Variants in FAM53A observed in about 807,000 individuals in gnomAD.
The protein encoded by FAM53A is protein FAM53A.
Under a neutral mutation model 26.6 loss-of-function variants are expected in FAM53A, and 28 were observed. The observed-to-expected ratio is 1.05, with a 90% CI of 0.78 to 1.45. The LOEUF is 1.45. FAM53A is among the 40% of genes most tolerant of loss of function. The pLI is 0.00. For missense variants in FAM53A, 650 were observed against 575.8 expected (o/e 1.13, Z -1.32); for synonymous variants, 290 against 253.1 (o/e 1.15, Z -1.38).
In FAM53A at chr4:1,655,278, G is replaced by A. The variant is rs758771159; in HGVS notation, c.582C>T (p.Phe194=). The A allele has an allele frequency of 1.3e-5, 18 of 1,426,732 alleles. No individual in the cohort carries two copies. The highest frequency in any genetic ancestry group is 3.0e-5 in the African/African-American group (2 of 66,676). The allele number at this position is 1,426,732 out of a possible 1,614,324, so 88.4% of individuals were successfully genotyped here. The change falls in exon 4 of 5, where the codon TTC becomes TTT. Residue 194 remains phenylalanine (F), a synonymous_variant. Transcript: ENST00000308132. ...TPRPSSASGG[F]VDSSEGSAGS... is the part of the protein sequence containing the mutation. ...CCGCACTGCCCTCGCTGCTGTCCAC[G>A]AAGCCGCCGCTGGCGGAGGACGGCC...
the FAM53A span, among the ~76,000 whole-genome samples, chr4:1,602,730 G>A: frequency 2.6e-5 from 4 of 152,288 alleles, no homozygotes; most frequent in East Asian, 1.9e-4. Flanking sequence ...TGTAAGGTAC[G>A]ACAGTGGCAA....
At chr4:1,587,012 A>T in the FAM53A span, among the ~76,000 whole-genome samples, 1 of 152,172 alleles carries the variant, frequency 6.6e-6, no homozygotes, top group Non-Finnish European at 1.5e-5. Context: ...GACTTTTTAC[A>T]ACCCGTTGGC....
intron 2 of FAM53A, 41 bp from the exon 3 acceptor site, chr4:1,657,509 G>A (rs1713482768): frequency 1.3e-6 from 2 of 1,573,234 alleles, no homozygotes; most frequent in Non-Finnish European, 1.7e-6. Context: ...ACTGACACGT[G>A]AGAATTCGGC....
the FAM53A span, among the ~76,000 whole-genome samples, chr4:1,601,956 CG>C: frequency 2.2e-5 from 2 of 92,840 alleles, no homozygotes; most frequent in African/African-American, 7.9e-5. Flanking sequence ...GGAGGTGGGC[CG>C]GGGGAGATGG....
At chr4:1,644,146 G>T in intron 4 of FAM53A, 2 of 1,525,642 alleles carry the variant, frequency 1.3e-6, no homozygotes, top group Non-Finnish European at 1.8e-6. Context: ...AGCACCACCA[G>T]GCTGCACTAC....
At chr4:1,581,333 C>A in the FAM53A span, among the ~76,000 whole-genome samples, 1 of 152,022 alleles carries the variant, frequency 6.6e-6, no homozygotes, top group African/African-American at 2.4e-5. Context: ...GCCTCGCCTC[C>A]TGTGGTCTTG....
At chr4:1,644,414 C>T in intron 4 of FAM53A, 1 of 1,504,264 alleles carries the variant, frequency 6.6e-7, no homozygotes, top group Admixed American at 2.0e-5. Flanking sequence ...AAACTTCTGC[C>T]CACAGACACG....
chr4:1,604,346 C>T, the FAM53A span, among the ~76,000 whole-genome samples: 16 of 152,208 alleles, frequency 1.1e-4, no homozygotes, highest in East Asian at 1.9e-4. Context: ...TGGCTGCCTA[C>T]GCAGGTTGGG....
At chr4:1,620,054 A>G (rs1714961614) in intron 1 of FAM53A, among the ~76,000 whole-genome samples, 1 of 152,038 alleles carries the variant, frequency 6.6e-6, no homozygotes, top group Non-Finnish European at 1.5e-5. Context: ...CTAAATATAC[A>G]AAAATTAGCC....
rs1715551512 is a variant in FAM53A, at chr4:1,630,219, G to A, written c.432-12108C>T. ...GCCCACGAGGCAGGTGCACAAGACAGCCTGGCCCTGGTGCCACCTGCTGCA... is the reference window on the plus strand; with the variant it reads ...GCCCACGAGGCAGGTGCACAAGACAACCTGGCCCTGGTGCCACCTGCTGCA... On this transcript the variant is annotated intron_variant, in intron 1 of 1. Transcript: ENST00000489029. This position sits in a 1 kb window ranked among gnomAD's most constrained non-coding sequence, Gnocchi z 4.3. Among the ~76,000 whole-genome samples the A allele has an allele frequency of 6.6e-6, 1 of 152,212 alleles. No homozygotes were observed. The highest frequency in any genetic ancestry group is 1.5e-5 in the Non-Finnish European group (1 of 68,036).
At chr4:1,605,840 C>T in the FAM53A span, among the ~76,000 whole-genome samples, 1 of 152,274 alleles carries the variant, frequency 6.6e-6, no homozygotes, top group African/African-American at 2.4e-5. The surrounding 1 kb of genome is among the most constrained non-coding windows in gnomAD (Gnocchi z 5.7). Context: ...CTCTCATGCT[C>T]CCGGCCCAGG....
At chr4:1,625,158 C>T (rs376792365) in intron 1 of FAM53A, among the ~76,000 whole-genome samples, 2 of 42,000 alleles carry the variant, frequency 4.8e-5, no homozygotes, top group Admixed American at 2.4e-4. Flanking sequence ...GAAGGCCCCA[C>T]GTCCCGGCCC....
the FAM53A span, among the ~76,000 whole-genome samples, chr4:1,596,749 G>C: frequency 6.6e-6 from 1 of 152,188 alleles, no homozygotes; most frequent in Non-Finnish European, 1.5e-5. Context: ...CTTCTCCCAT[G>C]AAACTTCCTT....
At chr4:1,592,946 G>A in the FAM53A span, among the ~76,000 whole-genome samples, 1 of 151,930 alleles carries the variant, frequency 6.6e-6, no homozygotes, top group Non-Finnish European at 1.5e-5. Flanking sequence ...CTCACACCCT[G>A]CCCGGCTAGC....
At chr4:1,596,653 G>A in the FAM53A span, among the ~76,000 whole-genome samples, 11 of 152,312 alleles carry the variant, frequency 7.2e-5, no homozygotes, top group Non-Finnish European at 1.3e-4. Flanking sequence ...TCACTCACAC[G>A]GTGTCCGCCC....
chr4:1,672,148 A>G (rs911942752), intron 1 of FAM53A, among the ~76,000 whole-genome samples: 8 of 137,120 alleles, frequency 5.8e-5, no homozygotes, highest in Non-Finnish European at 9.6e-5. Flanking sequence ...CCAAAGACCC[A>G]GGTACCCACA....
chr4:1,608,876 C>T, the FAM53A span, among the ~76,000 whole-genome samples: 1 of 152,128 alleles, frequency 6.6e-6, no homozygotes, highest in Non-Finnish European at 1.5e-5. Context: ...CTGGTGAATC[C>T]TCGTATGCTG....
chr4:1,611,765 CA>C, the FAM53A span, among the ~76,000 whole-genome samples: 1 of 152,228 alleles, frequency 6.6e-6, no homozygotes, highest in Admixed American at 6.5e-5. Context: ...AGGTTCTCAG[CA>C]CAGGCTGGAG....
chr4:1,678,257 T>C (rs943913058), intron 1 of FAM53A, among the ~76,000 whole-genome samples: 2 of 152,182 alleles, frequency 1.3e-5, no homozygotes, highest in Admixed American at 6.5e-5. Flanking sequence ...GTGGGAGCAC[T>C]GCTTCAGCCC....
Sources: allele counts gnomAD v4.1 joint callset (sites outside exome capture counted in the v4.1 genomes callset), GRCh38; gene constraint gnomAD v4.1.1; non-coding constraint Gnocchi (gnomAD v3.1); transcripts MANE v1.5; gene names NCBI Gene and HGNC (gene_info 2026-07-23, HGNC 2026-07-21).